Variants in ATF1 observed in about 807,000 individuals in gnomAD.
The protein encoded by ATF1 is activating transcription factor 1.
A neutral mutation model predicts 34.7 loss-of-function variants in ATF1; 16 were observed. The observed-to-expected ratio is 0.46, with a 90% CI of 0.31 to 0.70. The LOEUF (loss-of-function observed/expected upper bound fraction) is 0.70. Ranked by LOEUF, ATF1 falls within the 30% of genes least tolerant of loss-of-function variation. ATF1 has a pLI of 0.05. For synonymous variants in ATF1, 105 were observed against 113.1 expected, an observed-to-expected ratio of 0.93 and a Z score of 0.46; for missense variants, 255 against 321.6, an observed-to-expected ratio of 0.79 and a Z score of 1.58.
intron 1 of ATF1, among the ~76,000 whole-genome samples, chr12:50,774,006 T>C (rs1050983817): frequency 2.6e-5 from 4 of 152,138 alleles, no homozygotes; most frequent in African/African-American, 9.7e-5. Flanking sequence ...TAACATATAA[T>C]GTTTCTTTCT....
At chr12:50,783,239 A>G (rs1157837980) in intron 2 of ATF1, among the ~76,000 whole-genome samples, 2 of 152,198 alleles carry the variant, frequency 1.3e-5, no homozygotes, top group East Asian at 1.9e-4. Context: ...AGAATGTCAA[A>G]AGGATTTGTG....
chr12:50,808,769 T>C (rs1592198653), intron 3 of ATF1, among the ~76,000 whole-genome samples: 1 of 137,538 alleles, frequency 7.3e-6, no homozygotes, highest in East Asian at 2.0e-4. Context: ...AGGCAGACTC[T>C]CACTCTGTCG....
intron 1 of ATF1, among the ~76,000 whole-genome samples, chr12:50,778,801 G>T (rs1404696268): frequency 1.3e-5 from 2 of 152,046 alleles, no homozygotes; most frequent in Non-Finnish European, 2.9e-5. Flanking sequence ...GGCTGGTCTT[G>T]AGCTCTTCAG....
At chr12:50,764,877 C>T (rs1371701502) in intron 1 of ATF1, among the ~76,000 whole-genome samples, 1 of 152,240 alleles carries the variant, frequency 6.6e-6, no homozygotes, top group African/African-American at 2.4e-5. Context: ...ATGCGCCTGG[C>T]AGCGGAGACA....
At chr12:50,789,032 G>A (rs140157219) in intron 2 of ATF1, among the ~76,000 whole-genome samples, 74 of 152,158 alleles carry the variant, frequency 4.9e-4, no homozygotes, top group African/African-American at 1.7e-3. Context: ...CAGTGCTAGC[G>A]ACTGATACGT....
At chr12:50,794,475 G>A (rs1255815900) in intron 2 of ATF1, among the ~76,000 whole-genome samples, 1 of 151,026 alleles carries the variant, frequency 6.6e-6, no homozygotes, top group Non-Finnish European at 1.5e-5. Context: ...TGAGGCAGGA[G>A]AATCACTTGA....
intron 1 of ATF1, among the ~76,000 whole-genome samples, chr12:50,765,638 C>T (rs1019765330): frequency 4.6e-5 from 7 of 152,138 alleles, no homozygotes; most frequent in East Asian, 3.9e-4. Flanking sequence ...CATTCCCAGA[C>T]AGTTAAGGCA....
intron 1 of ATF1, among the ~76,000 whole-genome samples, chr12:50,776,195 C>G (rs1363341586): frequency 1.3e-5 from 2 of 151,068 alleles, no homozygotes; most frequent in Non-Finnish European, 3.0e-5. Context: ...GCCTGTAGTC[C>G]CAGCTACTCA....
chr12:50,794,002 G>A (rs1339037352), intron 2 of ATF1, among the ~76,000 whole-genome samples: 2 of 151,816 alleles, frequency 1.3e-5, no homozygotes, highest in Non-Finnish European at 2.9e-5. Context: ...CCAGGCTGGA[G>A]TGCAGTGGCG....
chr12:50,799,341 TGCCATG>T (rs1941470445), intron 3 of ATF1, among the ~76,000 whole-genome samples: 1 of 152,130 alleles, frequency 6.6e-6, no homozygotes, highest in Non-Finnish European at 1.5e-5. Flanking sequence ...GCCATGATTG[TGCCATG>T]CACTCCAACC....
At chr12:50,797,108 G>A (rs1409175291) in intron 3 of ATF1, among the ~76,000 whole-genome samples, 1 of 152,128 alleles carries the variant, frequency 6.6e-6, no homozygotes, top group Non-Finnish European at 1.5e-5. Flanking sequence ...GAAAGACAAA[G>A]TTAAGATAGA....
chr12:50,805,389 CTACAAAAAAA>C (rs1244238018), intron 3 of ATF1, among the ~76,000 whole-genome samples: 1 of 151,338 alleles, frequency 6.6e-6, no homozygotes, highest in Non-Finnish European at 1.5e-5. Context: ...TACCTTGTCA[CTACAAAAAAA>C]TACAAAAAAT....
chr12:50,801,074 G>A (rs775178340), intron 3 of ATF1, among the ~76,000 whole-genome samples: 3 of 152,198 alleles, frequency 2.0e-5, no homozygotes, highest in Non-Finnish European at 4.4e-5. Context: ...CAGCCTGGGC[G>A]ACAGAGCGAG....
chr12:50,809,592 A>G lies in ATF1; in HGVS notation c.328+3A>G. On this transcript the variant is annotated splice_donor_region_variant and intron_variant, in intron 4 of 6. Transcript: ENST00000262053. ...TCAGACTAGCAGCGGACAGTACAGTATGTATAGGAATCAGTTTCCACATTA... is the reference window on the plus strand; with the variant it reads ...TCAGACTAGCAGCGGACAGTACAGTGTGTATAGGAATCAGTTTCCACATTA... The G allele has an allele frequency of 1.2e-6, 2 of 1,603,390 alleles. No homozygotes were observed. Among genetic ancestry groups the G allele is most frequent in the Non-Finnish European group, 1.7e-6 (2 of 1,175,264 alleles).
At chr12:50,763,639 TAA>T (rs71086473), upstream of ATF1, 99 of 77,256 alleles carry the variant, frequency 1.3e-3, no homozygotes, top group South Asian at 1.6e-3. Flanking sequence ...AGACTCCATC[TAA>T]AAAAAAAAAA....
At chr12:50,777,922 G>A (rs938426233) in intron 1 of ATF1, among the ~76,000 whole-genome samples, 3 of 146,806 alleles carry the variant, frequency 2.0e-5, no homozygotes, top group South Asian at 2.2e-4. Flanking sequence ...TATACGTACC[G>A]TGGAATTTAC....
At chr12:50,811,307 A>G (rs1421236012) in intron 4 of ATF1, among the ~76,000 whole-genome samples, 1 of 152,146 alleles carries the variant, frequency 6.6e-6, no homozygotes, top group Admixed American at 6.6e-5. Context: ...TATAGATTGT[A>G]TGTATGTAAT....
At chr12:50,817,463 GT>G (rs1941866917) in intron 6 of ATF1, among the ~76,000 whole-genome samples, 1 of 152,116 alleles carries the variant, frequency 6.6e-6, no homozygotes, top group Non-Finnish European at 1.5e-5. Context: ...AATGATAGCA[GT>G]TTTAGGGTCA....
chr12:50,788,838 T>C (rs1433861263), intron 2 of ATF1, among the ~76,000 whole-genome samples: 1 of 152,162 alleles, frequency 6.6e-6, no homozygotes, highest in Non-Finnish European at 1.5e-5. Flanking sequence ...TTGGCCTCTT[T>C]GCGGTCTAGT....
Sources: allele counts gnomAD v4.1 joint callset (sites outside exome capture counted in the v4.1 genomes callset), GRCh38; gene constraint gnomAD v4.1.1; transcripts MANE v1.5; gene names NCBI Gene and HGNC (gene_info 2026-07-23, HGNC 2026-07-21).